Variants in INVS observed in about 807,000 individuals in gnomAD.
The protein encoded by INVS is inversin, also known as inversion of embryo turning homolog.
A neutral mutation model predicts 108.8 loss-of-function variants in INVS; 86 were observed. The observed-to-expected ratio is 0.79, with a 90% CI of 0.66 to 0.95. The LOEUF (loss-of-function observed/expected upper bound fraction) is 0.95. Among genes scored for constraint, INVS ranks in the 40% least tolerant of loss-of-function variants. The pLI, the probability that INVS is intolerant of heterozygous loss-of-function variation, is 0.00. For synonymous variants in INVS, 455 were observed against 473.5 expected (o/e 0.96, Z 0.51); for missense variants, 1,169 against 1,297.4 (o/e 0.90, Z 1.52).
intron 3 of INVS, among the ~76,000 whole-genome samples, chr9:100,187,483 A>G (rs1830086360): frequency 6.9e-6 from 1 of 145,350 alleles, no homozygotes; most frequent in African/African-American, 2.6e-5. Context: ...CCAGTCAATG[A>G]GCGTGGGATG....
At chr9:100,146,626 CTTTTA>C (rs1828624040) in intron 3 of INVS, among the ~76,000 whole-genome samples, 1 of 152,022 alleles carries the variant, frequency 6.6e-6, no homozygotes, top group Non-Finnish European at 1.5e-5. Context: ...ATAATATTTT[CTTTTA>C]TAAAACCAGT....
intron 3 of INVS, among the ~76,000 whole-genome samples, chr9:100,138,541 A>G (rs951670919): frequency 6.6e-6 from 1 of 152,060 alleles, no homozygotes; most frequent in Non-Finnish European, 1.5e-5. Flanking sequence ...ATGTTTCTGT[A>G]CCCAGCTTCT....
At position 100,126,542 on chromosome 9, in the gene INVS, C is replaced by T. The variant is rs1341471827; in HGVS notation, c.266C>T (p.Ala89Val). 1 of 1,614,062 alleles carries T rather than the reference C, an allele frequency of 6.2e-7. No individual in the cohort carries two copies. The highest frequency in any genetic ancestry group is 1.7e-5 in the Admixed American group (1 of 60,014). ...HSQRTALHLA[A>V]QKGNYRFMKL... ...CAGAGAACAGCCCTCCATCTTGCAG[C>T]CCAGAAGGTGAGAAGTAAAATTTCC... The change falls in exon 3 of 17, where the codon GCC becomes GTC. Residue 89 changes from alanine to valine, a missense_variant. Ala to Val is a moderately conservative substitution (Grantham distance 64). Transcript: ENST00000262457.
chr9:100,159,910 C>T (rs1049592909), intron 3 of INVS, among the ~76,000 whole-genome samples: 15 of 152,050 alleles, frequency 9.9e-5, no homozygotes, highest in Non-Finnish European at 1.5e-4. Context: ...CACACTTGAC[C>T]GTAATGAAAA....
At position 100,301,176 on chromosome 9, in the gene INVS, C is replaced by T. The variant is rs1833959873; in HGVS notation, c.*502C>T. Among the ~76,000 whole-genome samples the T allele has an allele frequency of 1.7e-5, 1 of 57,488 alleles. No homozygotes were observed. The highest frequency in any genetic ancestry group is 3.0e-5 in the Non-Finnish European group (1 of 32,874). 37.7% of individuals were successfully genotyped at this position (57,488 alleles called of 152,430 possible). ...ACACACACACACACACACACACACA[C>T]ACATATCACGTCCCACTATTACTTC... On this transcript the variant is annotated 3_prime_UTR_variant, in exon 17 of 17. Coordinates refer to ENST00000262457, the MANE Select transcript of INVS (RefSeq NM_014425.5).
intron 3 of INVS, among the ~76,000 whole-genome samples, chr9:100,148,020 C>CAAAA (rs551874913): frequency 6.3e-5 from 5 of 79,104 alleles, no homozygotes; most frequent in Admixed American, 6.0e-4. Flanking sequence ...CCTGTCTCTA[C>CAAAA]AAAAAAAAAA....
intron 11 of INVS, among the ~76,000 whole-genome samples, chr9:100,269,179 C>T (rs1351102663): frequency 6.6e-6 from 1 of 152,122 alleles, no homozygotes; most frequent in Non-Finnish European, 1.5e-5. Flanking sequence ...TCTATAGAAA[C>T]AATTTACATA....
intron 3 of INVS, among the ~76,000 whole-genome samples, chr9:100,181,139 A>T (rs537174414): frequency 6.6e-6 from 1 of 152,322 alleles, no homozygotes; most frequent in South Asian, 2.1e-4. Context: ...CAAAATAATA[A>T]GACCTACTTA....
intron 3 of INVS, among the ~76,000 whole-genome samples, chr9:100,153,729 G>A (rs1292676942): frequency 6.6e-6 from 1 of 152,194 alleles, no homozygotes; most frequent in Non-Finnish European, 1.5e-5. Context: ...CATCTGCTGA[G>A]GGACTTCAAG....
chr9:100,143,220 G>A (rs540729693), intron 3 of INVS, among the ~76,000 whole-genome samples: 1 of 152,220 alleles, frequency 6.6e-6, no homozygotes, highest in Non-Finnish European at 1.5e-5. Flanking sequence ...GAGGTATTGA[G>A]GATAGGAGAG....
chr9:100,296,389 CACTCT>C (rs1833792100), intron 14 of INVS, among the ~76,000 whole-genome samples: 1 of 152,166 alleles, frequency 6.6e-6, no homozygotes, highest in African/African-American at 2.4e-5. Flanking sequence ...ATACCTTTAC[CACTCT>C]AAAGCCCCCT....
intron 3 of INVS, among the ~76,000 whole-genome samples, chr9:100,207,957 TGAA>T (rs1830723794): frequency 6.6e-6 from 1 of 151,274 alleles, no homozygotes; most frequent in Non-Finnish European, 1.5e-5. Context: ...TGCTTGCACT[TGAA>T]AGAATAGTTA....
intron 3 of INVS, among the ~76,000 whole-genome samples, chr9:100,143,813 C>T (rs1010366123): frequency 1.3e-5 from 2 of 151,870 alleles, no homozygotes; most frequent in African/African-American, 2.4e-5. Flanking sequence ...GGAAACAGGC[C>T]CTTGAAAAGA....
intron 3 of INVS, among the ~76,000 whole-genome samples, chr9:100,164,007 A>G (rs903320900): frequency 6.6e-6 from 1 of 152,240 alleles, no homozygotes; most frequent in Admixed American, 6.5e-5. Context: ...TCAAAGGATG[A>G]AAGCAGAAGA....
Position 100,187,525 on chromosome 9 carries a change from C to CTTTTTTTTTTTTTTT in INVS, c.274-38532_274-38518dup, listed in dbSNP as rs34728274. 3.7e-4 allele frequency among the ~76,000 whole-genome samples: 39 copies of CTTTTTTTTTTTTTTT among 105,534 alleles called. 3 individuals carry two copies. Among genetic ancestry groups the CTTTTTTTTTTTTTTT allele is most frequent in the African/African-American group, 1.1e-3 (26 of 22,738 alleles). 69.2% of individuals were successfully genotyped at this position (105,534 alleles called of 152,430 possible). A position where few individuals can be genotyped will look rare whatever the true frequency, so the allele number is the denominator to read the frequency against. ...CATTTGTTTGTATCATCTATGATTT[C>CTTTTTTTTTTTTTTT]TTTTTTTTTTTTTTTTTTTGAGACA... On this transcript the variant is annotated intron_variant, in intron 3 of 16. Transcript: ENST00000262457.
At chr9:100,194,916 A>C (rs542191908) in intron 3 of INVS, among the ~76,000 whole-genome samples, 36 of 152,286 alleles carry the variant, frequency 2.4e-4, no homozygotes, top group African/African-American at 8.2e-4. Context: ...GCTGATGAGC[A>C]GAAAGTTGCC....
intron 3 of INVS, among the ~76,000 whole-genome samples, chr9:100,172,981 G>A (rs1287161322): frequency 1.3e-5 from 2 of 152,028 alleles, no homozygotes; most frequent in Admixed American, 6.6e-5. Context: ...CTCAAGGTGT[G>A]TGCTTTCTTA....
intron 2 of INVS, chr9:100,117,500 C>T: frequency 1.2e-6 from 1 of 804,674 alleles, no homozygotes; most frequent in Admixed American, 1.8e-5. Context: ...ACGGCCTCAG[C>T]CCGGGCCCCG....
intron 3 of INVS, among the ~76,000 whole-genome samples, chr9:100,153,116 A>G (rs1483665444): frequency 6.6e-6 from 1 of 151,992 alleles, no homozygotes; most frequent in African/African-American, 2.4e-5. Flanking sequence ...TAAACATACC[A>G]AGAAGGTTTG....
Sources: allele counts gnomAD v4.1 joint callset (sites outside exome capture counted in the v4.1 genomes callset), GRCh38; gene constraint gnomAD v4.1.1; transcripts MANE v1.5; gene names NCBI Gene and HGNC (gene_info 2026-07-23, HGNC 2026-07-21).